The following CELF2 variants were observed in gnomAD, a reference collection of about 807,000 sequenced individuals.
The protein encoded by CELF2 is CUG triplet repeat RNA-binding protein 2.
In CELF2, 8 loss-of-function variants were observed where a neutral mutation model predicts 62.6. That is an observed-to-expected ratio of 0.13 (90% confidence interval 0.07 to 0.23). The LOEUF (loss-of-function observed/expected upper bound fraction) is 0.23. Among genes scored for constraint, CELF2 ranks in the 10% least tolerant of loss-of-function variants. CELF2 has a pLI of 1.00. For synonymous variants in CELF2, 258 were observed against 250.0 expected (o/e 1.03, Z -0.30); for missense variants, 333 against 671.0 (o/e 0.50, Z 5.56).
chr10:10,547,709 G>A, the CELF2 span, among the ~76,000 whole-genome samples: 1 of 151,956 alleles, frequency 6.6e-6, no homozygotes, highest in Non-Finnish European at 1.5e-5. Flanking sequence ...GTGTGTGTGT[G>A]TGTGTGTGTG....
the CELF2 span, among the ~76,000 whole-genome samples, chr10:10,522,624 C>T: frequency 2.6e-5 from 4 of 152,174 alleles, no homozygotes; most frequent in Admixed American, 6.5e-5. Flanking sequence ...GGCTGGAATG[C>T]AATGGCGCAA....
chr10:11,245,368 G>T (rs1455936924), intron 3 of CELF2, among the ~76,000 whole-genome samples: 1 of 152,148 alleles, frequency 6.6e-6, no homozygotes, highest in Non-Finnish European at 1.5e-5. Context: ...ACTGTTCATG[G>T]TAATGAGCCA....
rs181678138 is a variant in CELF2 at position 11,143,229 on chromosome 10, C to T, written c.75-22257C>T. 5.7e-4 allele frequency among the ~76,000 whole-genome samples: 87 copies of T among 152,322 alleles called. 1 individual carries two copies. The highest frequency in any genetic ancestry group is 5.1e-3 in the Admixed American group (78 of 15,310). On this transcript the variant is annotated intron_variant, in intron 1 of 12. Transcript: ENST00000633077. Reference sequence around the variant, plus strand: ...GGTAAAAATGTTCTTCCTTATCCCACCAATTCTTAATAGGCTTCTGTCACC... The same window carrying T: ...GGTAAAAATGTTCTTCCTTATCCCATCAATTCTTAATAGGCTTCTGTCACC...
At chr10:10,862,557 T>C (rs2060106036) in intron 1 of CELF2, among the ~76,000 whole-genome samples, 1 of 152,238 alleles carries the variant, frequency 6.6e-6, no homozygotes, top group African/African-American at 2.4e-5. Context: ...TTGGCCATTT[T>C]TGAGCCAGCC....
At chr10:11,209,226 A>T (rs1589096705) in intron 2 of CELF2, among the ~76,000 whole-genome samples, 1 of 152,160 alleles carries the variant, frequency 6.6e-6, no homozygotes, top group Non-Finnish European at 1.5e-5. Context: ...AGGCAAGGGG[A>T]CTGGGCTTTA....
At chr10:10,516,988 C>T in the CELF2 span, among the ~76,000 whole-genome samples, 1 of 152,122 alleles carries the variant, frequency 6.6e-6, no homozygotes, top group African/African-American at 2.4e-5. Flanking sequence ...ACCGTAGGAT[C>T]CCACGCATCA....
chr10:10,531,838 T>C, the CELF2 span, among the ~76,000 whole-genome samples: 508 of 152,344 alleles, frequency 3.3e-3, 2 homozygotes, highest in Middle Eastern at 0.017. Flanking sequence ...ATCCTGATGA[T>C]AGTCAGCACT....
chr10:10,511,674 T>C, the CELF2 span, among the ~76,000 whole-genome samples: 1 of 152,150 alleles, frequency 6.6e-6, no homozygotes, highest in Non-Finnish European at 1.5e-5. Context: ...ACTTCTACTA[T>C]GAGATCTCGG....
At chr10:11,056,153 A>G (rs1594214241) in intron 1 of CELF2, among the ~76,000 whole-genome samples, 1 of 152,244 alleles carries the variant, frequency 6.6e-6, no homozygotes. Context: ...TGTGTGTGCA[A>G]TATGGGACCC....
rs4750026 is a variant in CELF2, at chr10:11,211,793, A to T, written c.272-5632A>T. Among the ~76,000 whole-genome samples, 9,888 of 98,802 alleles carry T rather than the reference A, an allele frequency of 0.1. 439 individuals are homozygous for T. The highest frequency in any genetic ancestry group is 0.2 in the East Asian group (624 of 3,130). The allele number at this position is 98,802 out of a possible 152,430, so 64.8% of individuals were successfully genotyped here. On this transcript the variant is annotated intron_variant, in intron 2 of 12. Coordinates refer to ENST00000633077, the MANE Select transcript of CELF2 (RefSeq NM_001326342.2). The surrounding 1 kb of genome is among the most constrained non-coding windows in gnomAD (Gnocchi z 4.8). ...GTGAGAGTGTGTGTGTATGTGTGTGAGAGAGAGAGAGAGAGAGAGAGTGTG... is the reference window on the plus strand; with the variant it reads ...GTGAGAGTGTGTGTGTATGTGTGTGTGAGAGAGAGAGAGAGAGAGAGTGTG...
chr10:11,035,365 G>A (rs2139140861), intron 1 of CELF2, among the ~76,000 whole-genome samples: 1 of 152,340 alleles, frequency 6.6e-6, no homozygotes, highest in East Asian at 1.9e-4. Flanking sequence ...TGGATTTAAT[G>A]TGGAGGACCC....
chr10:10,479,906 C>T, the CELF2 span, among the ~76,000 whole-genome samples: 4 of 152,154 alleles, frequency 2.6e-5, no homozygotes, highest in Admixed American at 1.3e-4. Context: ...GCAAAGAAAA[C>T]GTAACTGTGC....
rs561176033 is a variant in CELF2 at position 11,305,689 on chromosome 10, G to A, written c.977-8450G>A. ...GACCTACAGTGTTAACCTAAGACAA[G>A]AATCTCTTCTGGGTGTAGTGTTCAT... On this transcript the variant is annotated intron_variant, in intron 9 of 12. Coordinates refer to ENST00000633077, the MANE Select transcript of CELF2 (RefSeq NM_001326342.2). This position sits in a 1 kb window ranked among gnomAD's most constrained non-coding sequence, Gnocchi z 4.8. Among the ~76,000 whole-genome samples, 1 of 152,324 alleles carries A rather than the reference G, an allele frequency of 6.6e-6. No individual in the cohort carries two copies. Among genetic ancestry groups the A allele is most frequent in the South Asian group, 2.1e-4 (1 of 4,826 alleles).
At chr10:11,180,857 G>A (rs1478637616) in intron 2 of CELF2, among the ~76,000 whole-genome samples, 3 of 149,392 alleles carry the variant, frequency 2.0e-5, no homozygotes, top group African/African-American at 7.2e-5. Flanking sequence ...TGGAATGAAT[G>A]AATGAATGAG....
chr10:11,097,165 A>G (rs1188383183), intron 1 of CELF2: 2 of 152,196 alleles, frequency 1.3e-5, no homozygotes, highest in African/African-American at 4.8e-5. Context: ...AGTATTTCCC[A>G]TAAGTATCCC....
At chr10:11,274,515 G>A (rs1360922230) in intron 7 of CELF2, among the ~76,000 whole-genome samples, 1 of 152,262 alleles carries the variant, frequency 6.6e-6, no homozygotes, top group Non-Finnish European at 1.5e-5. Context: ...CTGCAGTGAG[G>A]ACTTTTAAAA....
rs896368366 is a variant in CELF2 at position 11,244,341 on chromosome 10, T to C, written c.355-4812T>C. On this transcript the variant is annotated intron_variant, in intron 3 of 12. Coordinates refer to ENST00000633077, the MANE Select transcript of CELF2 (RefSeq NM_001326342.2). The surrounding 1 kb of genome is among the most constrained non-coding windows in gnomAD (Gnocchi z 4.2). ...GTCTTGTGCTTTAGGTGTCTTGTTT[T>C]CGGTGAATGTTCTTTTTAACAACTT... Among the ~76,000 whole-genome samples the C allele has an allele frequency of 6.6e-6, 1 of 152,222 alleles. No homozygotes were observed. The highest frequency in any genetic ancestry group is 1.5e-5 in the Non-Finnish European group (1 of 68,036).
chr10:10,820,850 G>A (rs551025817), intron 1 of CELF2, among the ~76,000 whole-genome samples: 8 of 152,296 alleles, frequency 5.3e-5, no homozygotes, highest in African/African-American at 1.4e-4. Flanking sequence ...GCACCACTAA[G>A]AGATTTGCAT....
intron 1 of CELF2, among the ~76,000 whole-genome samples, chr10:11,029,205 G>C (rs1212388661): frequency 5.3e-5 from 8 of 152,200 alleles, no homozygotes; most frequent in Admixed American, 3.9e-4. Context: ...AAGACAAGGG[G>C]TTTGGGGTAT....
Sources: gnomAD v4.1 joint callset for allele counts (sites outside exome capture counted in the v4.1 genomes callset) on GRCh38, gnomAD v4.1.1 for gene constraint, Gnocchi (gnomAD v3.1) non-coding constraint, MANE v1.5 for transcripts, NCBI Gene and HGNC (gene_info 2026-07-23, HGNC 2026-07-21) for gene names.